CCDC170: variants seen among roughly 807,000 people sequenced by gnomAD.
CCDC170 encodes coiled-coil domain-containing protein 170.
CCDC170 carries 69 observed loss-of-function variants against 72.6 expected under a neutral mutation model. The observed-to-expected ratio is 0.95, with a 90% CI of 0.78 to 1.16. The LOEUF is 1.16. Among genes scored for constraint, CCDC170 ranks in the 50% most tolerant of loss-of-function variants. The pLI, the probability that CCDC170 is intolerant of heterozygous loss-of-function variation, is 0.00. For synonymous variants in CCDC170, 300 were observed against 303.9 expected (o/e 0.99, Z 0.13); for missense variants, 852 against 832.5 (o/e 1.02, Z -0.29).
intron 1 of CCDC170, among the ~76,000 whole-genome samples, chr6:151,498,292 T>TGTAA (rs1781939955): frequency 6.6e-6 from 1 of 152,254 alleles, no homozygotes; most frequent in African/African-American, 2.4e-5. Flanking sequence ...TATCAGCAGC[T>TGTAA]ATAGTTCCTC....
intron 1 of CCDC170, among the ~76,000 whole-genome samples, chr6:151,501,819 CT>C (rs1308476097): frequency 6.6e-6 from 1 of 152,134 alleles, no homozygotes. Flanking sequence ...TAAAGACTTA[CT>C]TTTTTCCATG....
rs1308297345 is a variant in CCDC170 at position 151,544,660 on chromosome 6, T to G, written c.532T>G (p.Cys178Gly). 4 of 1,613,610 alleles carry G rather than the reference T, an allele frequency of 2.5e-6. No individual in the cohort carries two copies. The highest frequency in any genetic ancestry group is 3.4e-6 in the Non-Finnish European group (4 of 1,179,682). The change falls in exon 4 of 11, where the codon TGC becomes GGC. Residue 178 changes from cysteine (C) to glycine (G), a missense_variant. Physicochemically the swap from Cys to Gly is radical, Grantham distance 159. Coordinates refer to ENST00000239374, the MANE Select transcript of CCDC170 (RefSeq NM_025059.4). ...HEEFLTQLRD[C>G]LDPDERNDKA... ...GGAATTTCTGACTCAACTGCGTGAC[T>G]GCTTGGATCCAGATGAGAGGAATGA...
intron 5 of CCDC170, among the ~76,000 whole-genome samples, chr6:151,565,600 A>G (rs1776122506): frequency 6.6e-6 from 1 of 152,166 alleles, no homozygotes; most frequent in Non-Finnish European, 1.5e-5. Flanking sequence ...AACTGTGATT[A>G]TCTACTCGCT....
intron 5 of CCDC170, among the ~76,000 whole-genome samples, chr6:151,551,464 T>A (rs1008303707): frequency 4.6e-5 from 7 of 152,212 alleles, no homozygotes; most frequent in Non-Finnish European, 1.0e-4. Flanking sequence ...TTCTAGTGAA[T>A]AGAATATGTC....
In CCDC170 at chr6:151,615,620, A is replaced by G. The variant is rs1369444301; in HGVS notation, c.1888A>G (p.Thr630Ala). The change falls in exon 10 of 11, where the codon ACC becomes GCC. Residue 630 changes from threonine (T) to alanine (A), a missense_variant. Transcript: ENST00000239374. ...ERARNMIEVV[T>A]SEMKTLKKSL... ...GGCCAGAAACATGATAGAAGTGGTA[A>G]CCAGTGAAATGAAGACACTAAAAAA... 6.2e-7 allele frequency: 1 copy of G among 1,614,148 alleles called. No homozygotes were observed. The highest frequency in any genetic ancestry group is 1.1e-5 in the South Asian group (1 of 91,078).
chr6:151,531,602 A>C (rs1035898818), intron 1 of CCDC170, among the ~76,000 whole-genome samples: 3 of 152,244 alleles, frequency 2.0e-5, no homozygotes, highest in African/African-American at 7.2e-5. Context: ...AGTTAGGAAC[A>C]AGACAAAATG....
chr6:151,529,630 C>T (rs1782465117), intron 1 of CCDC170, among the ~76,000 whole-genome samples: 1 of 152,176 alleles, frequency 6.6e-6, no homozygotes, highest in Non-Finnish European at 1.5e-5. Flanking sequence ...GCACTCCACC[C>T]TGCTGACAGA....
At chr6:151,561,032 A>T (rs1362669116) in intron 5 of CCDC170, among the ~76,000 whole-genome samples, 2 of 151,928 alleles carry the variant, frequency 1.3e-5, no homozygotes, top group African/African-American at 2.4e-5. Flanking sequence ...GTCTTTTTTT[A>T]AAGTAAAAAT....
At position 151,618,201 on chromosome 6, in the gene CCDC170, T is replaced by C; in HGVS notation, c.*54T>C. 6.9e-7 allele frequency: 1 copy of C among 1,442,534 alleles called. No individual in the cohort carries two copies. Among genetic ancestry groups the C allele is most frequent in the South Asian group, 1.2e-5 (1 of 84,200 alleles). The allele number at this position is 1,442,534 out of a possible 1,614,324, so 89.4% of individuals were successfully genotyped here. ...TAAGACATGGCACACAATTCCCAATTTCACAAATTCCTCATGTCTTTGAGA... is the reference window on the plus strand; with the variant it reads ...TAAGACATGGCACACAATTCCCAATCTCACAAATTCCTCATGTCTTTGAGA... On this transcript the variant is annotated 3_prime_UTR_variant, in exon 11 of 11. Coordinates refer to ENST00000239374, the MANE Select transcript of CCDC170 (RefSeq NM_025059.4).
chr6:151,587,611 G>T (rs760919825), intron 7 of CCDC170, among the ~76,000 whole-genome samples: 4 of 152,142 alleles, frequency 2.6e-5, no homozygotes, highest in African/African-American at 2.4e-5. Flanking sequence ...AAACATTGAG[G>T]AATCATCATG....
At chr6:151,565,954 C>G (rs958284) in intron 5 of CCDC170, among the ~76,000 whole-genome samples, 1 of 152,092 alleles carries the variant, frequency 6.6e-6, no homozygotes, top group African/African-American at 2.4e-5. Context: ...TTTACAATTT[C>G]CAGATGGGAA....
chr6:151,602,802 C>CT (rs756217308), intron 9 of CCDC170, among the ~76,000 whole-genome samples: 5,662 of 141,316 alleles, frequency 0.04, 346 homozygotes, highest in African/African-American at 0.14. Flanking sequence ...ATATTTCTTT[C>CT]TTTTTTTTTT....
At chr6:151,535,389 G>A (rs183396689) in intron 1 of CCDC170, among the ~76,000 whole-genome samples, 3 of 152,198 alleles carry the variant, frequency 2.0e-5, no homozygotes, top group Admixed American at 6.5e-5. Flanking sequence ...GCCATCTCTC[G>A]TCTCACATGT....
chr6:151,573,407 C>T lies in CCDC170; in HGVS notation c.1008C>T (p.Gly336=). 1 of 1,614,082 alleles carries T rather than the reference C, an allele frequency of 6.2e-7. No individual in the cohort carries two copies. Among genetic ancestry groups the T allele is most frequent in the Non-Finnish European group, 8.5e-7 (1 of 1,180,008 alleles). ...AGAAAATCGCAGCCCTCCTTAGGGGCAGATTGAGCATGACTGGGTCCACTG... is the reference window on the plus strand; with the variant it reads ...AGAAAATCGCAGCCCTCCTTAGGGGTAGATTGAGCATGACTGGGTCCACTG... ...FREKIAALLR[G]RLSMTGSTED... Residue 336 remains glycine, a synonymous_variant, in exon 6 of 11, where the codon GGC becomes GGT. Coordinates refer to ENST00000239374, the MANE Select transcript of CCDC170 (RefSeq NM_025059.4).
At chr6:151,515,006 A>C (rs1471514599) in intron 1 of CCDC170, among the ~76,000 whole-genome samples, 1 of 152,226 alleles carries the variant, frequency 6.6e-6, no homozygotes, top group South Asian at 2.1e-4. Flanking sequence ...AAACTGGATC[A>C]AGGTGATGAG....
At chr6:151,556,541 G>A (rs1019686192) in intron 5 of CCDC170, among the ~76,000 whole-genome samples, 3 of 152,150 alleles carry the variant, frequency 2.0e-5, no homozygotes, top group Non-Finnish European at 4.4e-5. Flanking sequence ...GGCAGTATTT[G>A]GCAAAGACTT....
At chr6:151,501,106 T>C (rs1409260459) in intron 1 of CCDC170, among the ~76,000 whole-genome samples, 1 of 152,104 alleles carries the variant, frequency 6.6e-6, no homozygotes, top group African/African-American at 2.4e-5. Context: ...ATTAGATGAG[T>C]AATTAAATGT....
At chr6:151,592,352 T>G (rs962875383) in intron 7 of CCDC170, among the ~76,000 whole-genome samples, 2 of 151,990 alleles carry the variant, frequency 1.3e-5, no homozygotes, top group African/African-American at 2.4e-5. Context: ...AGAGGAAGAC[T>G]CTGTCTCAAA....
At chr6:151,612,502 A>G (rs1401386509) in intron 9 of CCDC170, among the ~76,000 whole-genome samples, 1 of 152,218 alleles carries the variant, frequency 6.6e-6, no homozygotes, top group Non-Finnish European at 1.5e-5. Context: ...ACATTGCTGC[A>G]CAACACCAAT....
Sources: allele counts gnomAD v4.1 joint callset (sites outside exome capture counted in the v4.1 genomes callset), GRCh38; gene constraint gnomAD v4.1.1; transcripts MANE v1.5; gene names NCBI Gene and HGNC (gene_info 2026-07-23, HGNC 2026-07-21).